The following FRY variants were observed in gnomAD, a reference collection of about 807,000 sequenced individuals.
The protein encoded by FRY is FRY microtubule binding protein.
FRY carries 128 observed loss-of-function variants against 348.4 expected under a neutral mutation model. That is an observed-to-expected ratio of 0.37 (90% CI 0.32 to 0.43). The LOEUF (loss-of-function observed/expected upper bound fraction) is 0.43. FRY is among the 20% of genes least tolerant of loss of function. FRY has a pLI of 1.00. For synonymous variants in FRY, 1,370 were observed against 1,374.7 expected, an observed-to-expected ratio of 1.00 and a Z score of 0.08; for missense variants, 2,736 against 3,695.2, an observed-to-expected ratio of 0.74 and a Z score of 6.73.
chr13:32,175,624 T>C lies in FRY; in HGVS notation c.2413T>C (p.Ser805Pro). 6.3e-7 allele frequency: 1 copy of C among 1,575,072 alleles called. No homozygotes were observed. Among genetic ancestry groups the C allele is most frequent in the Non-Finnish European group, 8.7e-7 (1 of 1,144,434 alleles). Residue 805 changes from serine (S) to proline (P), a missense_variant, in exon 20 of 61, where the codon TCG (serine) becomes CCG (proline). Coordinates refer to ENST00000542859, the MANE Select transcript of FRY (RefSeq NM_023037.3). ...AGAAAGTTTTATTCATGTAGCAGTT[T>C]CGGATTCAGTAAGTACACATTTGAT... ...ILESFIHVAV[S>P]DSATLPLTHN...
intron 36 of FRY, among the ~76,000 whole-genome samples, chr13:32,223,355 C>G (rs1400619638): frequency 1.3e-5 from 2 of 152,136 alleles, no homozygotes; most frequent in Non-Finnish European, 2.9e-5. Context: ...TTTCGTATAT[C>G]TGTATTCTGC....
At chr13:32,137,462 C>T (rs1471075296) in intron 11 of FRY, among the ~76,000 whole-genome samples, 1 of 152,186 alleles carries the variant, frequency 6.6e-6, no homozygotes, top group Non-Finnish European at 1.5e-5. Context: ...GACCTAGCAA[C>T]AGAGAGCACT....
chr13:32,036,989 C>T (rs1381186982), intron 1 of FRY, among the ~76,000 whole-genome samples: 1 of 151,454 alleles, frequency 6.6e-6, no homozygotes, highest in Non-Finnish European at 1.5e-5. Context: ...TCCTTCCCTC[C>T]CTGCTCTTTG....
intron 35 of FRY, among the ~76,000 whole-genome samples, chr13:32,214,158 T>C (rs1023440156): frequency 2.0e-5 from 3 of 152,258 alleles, no homozygotes; most frequent in African/African-American, 7.2e-5. Context: ...CTGTATTCTT[T>C]TTTTTCTATG....
At chr13:32,032,638 C>G (rs749946334) in intron 1 of FRY, among the ~76,000 whole-genome samples, 16 of 152,216 alleles carry the variant, frequency 1.1e-4, no homozygotes, top group Non-Finnish European at 1.6e-4. Flanking sequence ...AAAAGACAAC[C>G]TCTAAGCTGC....
chr13:32,276,455 T>G lies in FRY; in HGVS notation c.8287-9T>G. The G allele has an allele frequency of 2.1e-6, 3 of 1,452,888 alleles. No individual in the cohort carries two copies. The highest frequency in any genetic ancestry group is 2.9e-6 in the Non-Finnish European group (3 of 1,032,958). The allele number at this position is 1,452,888 out of a possible 1,614,324, so 90.0% of individuals were successfully genotyped here. ...CTAGTTTTAATACCAATTATTTTCCTGTCTTTAGCTCCTTTCATGTGGACT... is the reference window on the plus strand; with the variant it reads ...CTAGTTTTAATACCAATTATTTTCCGGTCTTTAGCTCCTTTCATGTGGACT... On this transcript the variant is annotated splice_polypyrimidine_tract_variant and intron_variant, in intron 56 of 60. Coordinates refer to ENST00000542859, the MANE Select transcript of FRY (RefSeq NM_023037.3).
chr13:32,174,232 A>G (rs888514467), intron 19 of FRY, among the ~76,000 whole-genome samples: 2 of 152,238 alleles, frequency 1.3e-5, no homozygotes, highest in African/African-American at 2.4e-5. Flanking sequence ...TTTTAAAAAT[A>G]ACTACTTTGG....
At chr13:32,131,625 GACTTTCCT>G in intron 7 of FRY, 39 bp from the exon 8 acceptor site, 1 of 1,446,542 alleles carries the variant, frequency 6.9e-7, no homozygotes, top group Non-Finnish European at 9.7e-7. Context: ...CCATTACAGG[GACTTTCCT>G]ACCCAATATT....
intron 1 of FRY, among the ~76,000 whole-genome samples, chr13:32,059,925 T>C (rs1873846135): frequency 6.6e-6 from 1 of 152,132 alleles, no homozygotes; most frequent in Non-Finnish European, 1.5e-5. Context: ...AATGCAGGAG[T>C]AGCATGGGGC....
Position 32,231,261 on chromosome 13 carries a change from C to A in FRY, c.5488C>A (p.Leu1830Ile). ...SKSAEQLTNF[L>I]RHVVSVFKDS... ...GAGTGCTGAACAGCTCACTAATTTTCTACGTCACGTTGTATCTGTATTTAA... is the reference window on the plus strand; with the variant it reads ...GAGTGCTGAACAGCTCACTAATTTTATACGTCACGTTGTATCTGTATTTAA... Residue 1830 changes from leucine to isoleucine, a missense_variant, in exon 41 of 61, where the codon CTA becomes ATA. Physicochemically the swap from Leu to Ile is conservative, Grantham distance 5. This residue lies in a region of FRY where 794 missense variants were observed against 977.0 expected (regional missense o/e 0.81). Coordinates refer to ENST00000542859, the MANE Select transcript of FRY (RefSeq NM_023037.3). The A allele has an allele frequency of 6.2e-7, 1 of 1,613,422 alleles. No homozygotes were observed. Among genetic ancestry groups the A allele is most frequent in the Non-Finnish European group, 8.5e-7 (1 of 1,179,350 alleles).
intron 47 of FRY, among the ~76,000 whole-genome samples, chr13:32,246,026 A>G (rs545931743): frequency 2.0e-5 from 3 of 152,322 alleles, no homozygotes; most frequent in Non-Finnish European, 4.4e-5. Context: ...TACACCACAT[A>G]GGGTAGGCAG....
Position 32,171,279 on chromosome 13 carries a change from C to T in FRY, c.2151+9C>T. On this transcript the variant is annotated intron_variant, in intron 18 of 60. Coordinates refer to ENST00000542859, the MANE Select transcript of FRY (RefSeq NM_023037.3). ...AAATCAGAAATTCAGAGGTGATTTTCACACCTTACCCATGAATTTATATTC... is the reference window on the plus strand; with the variant it reads ...AAATCAGAAATTCAGAGGTGATTTTTACACCTTACCCATGAATTTATATTC... The T allele has an allele frequency of 1.0e-6, 1 of 979,460 alleles. No homozygotes were observed. The highest frequency in any genetic ancestry group is 1.3e-5 in the South Asian group (1 of 78,778). The allele number at this position is 979,460 out of a possible 1,614,324, so 60.7% of individuals were successfully genotyped here. A position where few individuals can be genotyped will look rare whatever the true frequency, so the allele number is the denominator to read the frequency against.
intron 39 of FRY, among the ~76,000 whole-genome samples, chr13:32,226,450 G>A (rs1885588503): frequency 6.6e-6 from 1 of 152,174 alleles, no homozygotes; most frequent in South Asian, 2.1e-4. Context: ...GTGGGAGCCT[G>A]TTAAAAGCCA....
At chr13:32,113,957 G>T (rs1878136537) in intron 3 of FRY, among the ~76,000 whole-genome samples, 1 of 152,130 alleles carries the variant, frequency 6.6e-6, no homozygotes, top group Non-Finnish European at 1.5e-5. Flanking sequence ...CTAACACCAA[G>T]AATGGATTCA....
chr13:32,231,389 G>T, intron 41 of FRY, 89 bp downstream of exon 41: 1 of 1,303,854 alleles, frequency 7.7e-7, no homozygotes, highest in Non-Finnish European at 1.1e-6. Context: ...GCCTTAAAAC[G>T]GTCCTGCACT....
At chr13:32,161,930 G>C (rs1477456074) in intron 17 of FRY, among the ~76,000 whole-genome samples, 1 of 152,168 alleles carries the variant, frequency 6.6e-6, no homozygotes, top group Admixed American at 6.5e-5. Context: ...TGGAGCTCCA[G>C]TTGACAGTTA....
In FRY at chr13:32,077,023, C is replaced by T. The variant is rs190719188; in HGVS notation, c.71-1811C>T. Among the ~76,000 whole-genome samples the T allele has an allele frequency of 4.6e-5, 7 of 152,062 alleles. No individual in the cohort carries two copies. In the South Asian group the frequency reaches 6.2e-4, roughly 14 times the overall value. On this transcript the variant is annotated intron_variant, in intron 1 of 60. Transcript: ENST00000542859. Reference sequence around the variant, plus strand: ...ACTGGCCTAGTGGAGGTAGGTGTTACGGAGATGAGACTAGAAGTGGCTCTG... The same window carrying T: ...ACTGGCCTAGTGGAGGTAGGTGTTATGGAGATGAGACTAGAAGTGGCTCTG...
chr13:32,235,745 TCTC>T (rs1470997752), intron 42 of FRY, among the ~76,000 whole-genome samples: 2 of 152,146 alleles, frequency 1.3e-5, no homozygotes, highest in Non-Finnish European at 2.9e-5. Context: ...TTCCTGTACC[TCTC>T]CTCTTGATCT....
At chr13:32,038,107 T>C (rs771618231) in intron 1 of FRY, among the ~76,000 whole-genome samples, 7 of 152,218 alleles carry the variant, frequency 4.6e-5, no homozygotes, top group Non-Finnish European at 8.8e-5. Context: ...TAGTTTCTTC[T>C]TAAATGCTCC....
Sources: allele counts gnomAD v4.1 joint callset (sites outside exome capture counted in the v4.1 genomes callset), GRCh38; gene constraint gnomAD v4.1.1; regional missense constraint gnomAD v4.1.1; transcripts MANE v1.5; gene names NCBI Gene and HGNC (gene_info 2026-07-23, HGNC 2026-07-21).